Variants in FUBP3 observed in about 807,000 individuals in gnomAD.
FUBP3 encodes far upstream element-binding protein 3.
In FUBP3, 28 loss-of-function variants were observed where a neutral mutation model predicts 85.6. The ratio of observed to expected loss-of-function variants is 0.33; its 90% CI spans 0.24 to 0.45. FUBP3 has a LOEUF of 0.45. Among genes scored for constraint, FUBP3 ranks in the 20% least tolerant of loss-of-function variants. The probability of loss-of-function intolerance (pLI) is 1.00; values close to 1 mark genes in which losing one functional copy is unlikely to be tolerated. For missense variants in FUBP3, 583 were observed against 755.1 expected (o/e 0.77, Z 2.67); for synonymous variants, 271 against 271.4 (o/e 1.00, Z 0.01).
chr9:130,614,464 G>C, intron 6 of FUBP3, 119 bp downstream of exon 6: 1 of 613,204 alleles, frequency 1.6e-6, no homozygotes, highest in Admixed American at 2.6e-5. Context: ...GGCCACACAG[G>C]TAGATAATTC....
chr9:130,593,816 C>T (rs1830736849), intron 1 of FUBP3, among the ~76,000 whole-genome samples: 1 of 152,162 alleles, frequency 6.6e-6, no homozygotes, highest in Non-Finnish European at 1.5e-5. Context: ...GTAAATATTC[C>T]TTTGGTTAAA....
At position 130,623,659 on chromosome 9, in the gene FUBP3, A is replaced by T. The variant is rs750187901; in HGVS notation, c.923A>T (p.Asp308Val). Residue 308 changes from aspartate (D) to valine (V), a missense_variant, in exon 11 of 19, where the codon GAT becomes GTT. Coordinates refer to ENST00000319725, the MANE Select transcript of FUBP3 (RefSeq NM_003934.2). The part of the protein sequence containing the change: ...ERAAQVMGPP[D>V]RCQHAAHIIS... Reference sequence around the variant, plus strand: ...GCTGCCCAGGTCATGGGCCCTCCGGATCGGTGTCAGCATGCAGCGCATATC... The same window carrying T: ...GCTGCCCAGGTCATGGGCCCTCCGGTTCGGTGTCAGCATGCAGCGCATATC... 6.2e-7 allele frequency: 1 copy of T among 1,614,030 alleles called. No homozygotes were observed. The highest frequency in any genetic ancestry group is 8.5e-7 in the Non-Finnish European group (1 of 1,179,942).
rs541101163 is a variant in FUBP3, at chr9:130,591,897, G to C, written c.85-3586G>C. 8.5e-5 allele frequency among the ~76,000 whole-genome samples: 13 copies of C among 152,286 alleles called. No homozygotes were observed. In the East Asian group the frequency reaches 2.5e-3, roughly 29 times the overall value. ...ATGAAACTACTACATACGTTAGAAG[G>C]CTGGCCAAGGACTCAGGAATACAGT... On this transcript the variant is annotated intron_variant, in intron 1 of 18. Transcript: ENST00000319725.
At chr9:130,632,921 A>G (rs1830272680) in intron 16 of FUBP3, among the ~76,000 whole-genome samples, 1 of 152,180 alleles carries the variant, frequency 6.6e-6, no homozygotes, top group Non-Finnish European at 1.5e-5. Flanking sequence ...CAGAACCCTT[A>G]CCTTAGTACG....
In FUBP3 at chr9:130,617,144, A is replaced by G. The variant is rs73549914; in HGVS notation, c.567+627A>G. 8.9e-3 allele frequency among the ~76,000 whole-genome samples: 1,350 copies of G among 152,344 alleles called. 23 individuals carry two copies. The highest frequency in any genetic ancestry group is 0.031 in the African/African-American group (1,282 of 41,562). On this transcript the variant is annotated intron_variant, in intron 7 of 18. Transcript: ENST00000319725. The stretch of plus-strand genomic sequence containing the variant: ...GGGGTTGTACCCTGAAATCAAATGC[A>G]TATTTCTGTAGCAAAATAGAATAAT...
At chr9:130,632,356 CG>C in intron 16 of FUBP3, 78 bp downstream of exon 16, 1 of 1,110,054 alleles carries the variant, frequency 9.0e-7, no homozygotes, top group Non-Finnish European at 1.3e-6. Context: ...AAAACGCCCT[CG>C]TTCAACTCAG....
At chr9:130,610,673 TC>T (rs1195752742) in intron 3 of FUBP3, among the ~76,000 whole-genome samples, 2 of 152,230 alleles carry the variant, frequency 1.3e-5, no homozygotes, top group Non-Finnish European at 2.9e-5. Context: ...CAGTTTCTCT[TC>T]TGGAAGGATG....
At chr9:130,614,241 T>TG (rs1042549900) in intron 5 of FUBP3, 47 bp from the exon 6 acceptor site, 1 of 1,225,032 alleles carries the variant, frequency 8.2e-7, no homozygotes, top group African/African-American at 1.5e-5. Context: ...GAGGTGCATG[T>TG]GCCCGGTGCC....
chr9:130,608,254 T>A (rs910242927), intron 2 of FUBP3, among the ~76,000 whole-genome samples: 1 of 152,188 alleles, frequency 6.6e-6, no homozygotes, highest in Non-Finnish European at 1.5e-5. Flanking sequence ...TGAGCACCTC[T>A]CCTCTGTGTT....
intron 5 of FUBP3, among the ~76,000 whole-genome samples, chr9:130,613,591 C>T (rs1831859654): frequency 1.3e-5 from 2 of 152,190 alleles, no homozygotes; most frequent in South Asian, 4.1e-4. Context: ...CTAATTTGAG[C>T]TTGACCTCTT....
intron 9 of FUBP3, among the ~76,000 whole-genome samples, chr9:130,621,089 T>C (rs1829727270): frequency 6.6e-6 from 1 of 152,190 alleles, no homozygotes; most frequent in African/African-American, 2.4e-5. Flanking sequence ...TGTGAATGTA[T>C]GTAATGTCAT....
At chr9:130,586,140 C>T (rs1327405447) in intron 1 of FUBP3, among the ~76,000 whole-genome samples, 1 of 151,828 alleles carries the variant, frequency 6.6e-6, no homozygotes, top group African/African-American at 2.4e-5. Context: ...CTGGCATGCA[C>T]CGCCACTCCC....
At chr9:130,623,014 C>T (rs75117961) in intron 10 of FUBP3, among the ~76,000 whole-genome samples, 59 of 152,232 alleles carry the variant, frequency 3.9e-4, no homozygotes, top group African/African-American at 1.4e-3. Flanking sequence ...GGATACATGT[C>T]GGTCACCTTT....
At chr9:130,629,040 A>T (rs1216914298) in intron 12 of FUBP3, among the ~76,000 whole-genome samples, 1 of 152,210 alleles carries the variant, frequency 6.6e-6, no homozygotes, top group Non-Finnish European at 1.5e-5. Flanking sequence ...AAGTGCTGGG[A>T]TTACAGGCGT....
intron 1 of FUBP3, among the ~76,000 whole-genome samples, chr9:130,590,909 A>G (rs1281611157): frequency 2.6e-5 from 4 of 151,992 alleles, no homozygotes; most frequent in Admixed American, 2.6e-4. Flanking sequence ...GGTTTTTGCC[A>G]TATCATTGAA....
At chr9:130,591,178 C>T (rs1045675885) in intron 1 of FUBP3, among the ~76,000 whole-genome samples, 1 of 152,182 alleles carries the variant, frequency 6.6e-6, no homozygotes, top group Non-Finnish European at 1.5e-5. Flanking sequence ...GGCACGGTGG[C>T]TCACGCCTGT....
chr9:130,622,807 C>A lies in FUBP3; in HGVS notation c.871C>A (p.Pro291Thr). ...TGCTGGTGTGAGGATTCAGTTTAAA[C>A]CAGGTGGGTATGATGATTTAAAAAT... Reference protein sequence around the residue: ...NDAGVRIQFKPDDGISPERAA... With the variant: ...NDAGVRIQFKTDDGISPERAA... The change falls in exon 10 of 19, where the codon CCA (proline) becomes ACA (threonine). Residue 291 changes from proline to threonine, a missense_variant. Coordinates refer to ENST00000319725, the MANE Select transcript of FUBP3 (RefSeq NM_003934.2). The A allele has an allele frequency of 2.1e-6, 3 of 1,460,308 alleles. No homozygotes were observed. The highest frequency in any genetic ancestry group is 2.8e-6 in the Non-Finnish European group (3 of 1,054,732). 90.5% of individuals were successfully genotyped at this position (1,460,308 alleles called of 1,614,324 possible). A position where few individuals can be genotyped will look rare whatever the true frequency, so the allele number is the denominator to read the frequency against.
chr9:130,583,388 C>G (rs1395921710), intron 1 of FUBP3, among the ~76,000 whole-genome samples: 1 of 152,230 alleles, frequency 6.6e-6, no homozygotes, highest in African/African-American at 2.4e-5. Context: ...TAAGAGAACA[C>G]TGTACATCTA....
chr9:130,628,202 C>G (rs1385119141), intron 12 of FUBP3, among the ~76,000 whole-genome samples: 1 of 152,146 alleles, frequency 6.6e-6, no homozygotes, highest in Non-Finnish European at 1.5e-5. Context: ...GAGAGGAGCC[C>G]CACGCAGCCA....
Sources: gnomAD v4.1 joint callset for allele counts (sites outside exome capture counted in the v4.1 genomes callset) on GRCh38, gnomAD v4.1.1 for gene constraint, MANE v1.5 for transcripts, NCBI Gene and HGNC (gene_info 2026-07-23, HGNC 2026-07-21) for gene names.